Variants in FOSL1 observed in about 807,000 individuals in gnomAD.
FOSL1 encodes FOS like 1, AP-1 transcription factor subunit, also known as fos-related antigen 1.
Under a neutral mutation model 24.9 loss-of-function variants are expected in FOSL1, and 14 were observed. That is an observed-to-expected ratio of 0.56 (90% CI 0.37 to 0.88). FOSL1 has a LOEUF of 0.88. FOSL1 is among the 40% of genes least tolerant of loss of function. The probability of loss-of-function intolerance (pLI) is 0.00; values close to 1 mark genes in which losing one functional copy is unlikely to be tolerated. For synonymous variants in FOSL1, 133 were observed against 145.1 expected, an observed-to-expected ratio of 0.92 and a Z score of 0.60; for missense variants, 318 against 359.8, an observed-to-expected ratio of 0.88 and a Z score of 0.94.
At chr11:65,895,367 A>C (rs1225442508) in intron 2 of FOSL1, among the ~76,000 whole-genome samples, 4 of 151,794 alleles carry the variant, frequency 2.6e-5, no homozygotes, top group African/African-American at 9.7e-5. Context: ...CTCATGATCC[A>C]CCTTCCTTGG....
At chr11:65,898,970 A>AAAAAG (rs1471370090) in intron 1 of FOSL1, among the ~76,000 whole-genome samples, 5 of 87,270 alleles carry the variant, frequency 5.7e-5, no homozygotes, top group African/African-American at 1.5e-4. Flanking sequence ...CAGAAAAAAA[A>AAAAAG]AAAAAAAGAA....
rs1376091679 is a variant in FOSL1 at position 65,892,400 on chromosome 11, G to A, written c.*486C>T. 5.6e-6 allele frequency: 2 copies of A among 354,460 alleles called. No homozygotes were observed. The highest frequency in any genetic ancestry group is 3.8e-5 in the Admixed American group (1 of 26,046). The allele number at this position is 354,460 out of a possible 1,614,324, so 22.0% of individuals were successfully genotyped here. A position where few individuals can be genotyped will look rare whatever the true frequency, so the allele number is the denominator to read the frequency against. ...GCCAAGGGCGCCTCCTGAGCTGTGCGGTTCAGGAGGGGGCGGCAGAATGGC... is the reference window on the plus strand; with the variant it reads ...GCCAAGGGCGCCTCCTGAGCTGTGCAGTTCAGGAGGGGGCGGCAGAATGGC... On this transcript the variant is annotated 3_prime_UTR_variant, in exon 4 of 4. Coordinates refer to ENST00000312562, the MANE Select transcript of FOSL1 (RefSeq NM_005438.5).
Position 65,892,243 on chromosome 11 carries a change from C to T in FOSL1, c.*643G>A, listed in dbSNP as rs1463610053. 4.5e-6 allele frequency: 1 copy of T among 220,668 alleles called. No individual in the cohort carries two copies. Among genetic ancestry groups the T allele is most frequent in the Non-Finnish European group, 9.3e-6 (1 of 107,402 alleles). The allele number at this position is 220,668 out of a possible 1,614,324, so 13.7% of individuals were successfully genotyped here. On this transcript the variant is annotated 3_prime_UTR_variant, in exon 4 of 4. Transcript: ENST00000312562. ...GGCCACAGCTTCAAGCCTTTTATTC[C>T]ATTTTGGTAGGTTTGTATAAAAATA...
At chr11:65,896,726 T>G (rs1860534738) in intron 2 of FOSL1, 83 bp downstream of exon 2, 1 of 1,191,878 alleles carries the variant, frequency 8.4e-7, no homozygotes, top group Non-Finnish European at 1.2e-6. Context: ...CCTAAGCCTG[T>G]GCTCTCCTTT....
chr11:65,899,914 C>A (rs1480119939), intron 1 of FOSL1, among the ~76,000 whole-genome samples: 1 of 152,216 alleles, frequency 6.6e-6, no homozygotes, highest in Non-Finnish European at 1.5e-5. Context: ...AGGCGACCAC[C>A]CTAGGCGCCC....
intron 2 of FOSL1, among the ~76,000 whole-genome samples, chr11:65,894,669 A>T (rs371801800): frequency 1.3e-4 from 20 of 151,554 alleles, no homozygotes; most frequent in Admixed American, 2.6e-4. Context: ...ATTTTATTTT[A>T]TTTTTTTTAG....
Position 65,893,264 on chromosome 11 carries a change from C to A in FOSL1, c.438G>T (p.Gly146=). 6.2e-7 allele frequency: 1 copy of A among 1,612,204 alleles called. No individual in the cohort carries two copies. Residue 146 remains glycine, a synonymous_variant, in exon 4 of 4, where the codon GGG becomes GGT. Transcript: ENST00000312562. ...ETDKLEDEKS[G]LQREIEELQK... ...GCAGCTCCTCAATCTCTCGCTGCAGCCCAGATTTCTCATCTTCCAGTTTGT... is the reference window on the plus strand; with the variant it reads ...GCAGCTCCTCAATCTCTCGCTGCAGACCAGATTTCTCATCTTCCAGTTTGT...
At chr11:65,894,222 C>T in intron 2 of FOSL1, 101 bp from the exon 3 acceptor site, 4 of 794,614 alleles carry the variant, frequency 5.0e-6, no homozygotes, top group Non-Finnish European at 6.2e-6. Context: ...GAGGTCATGG[C>T]AGGGCCCCCT....
chr11:65,893,401 A>G (rs1451251914), intron 3 of FOSL1, 105 bp from the exon 4 acceptor site: 3 of 412,440 alleles, frequency 7.3e-6, no homozygotes, highest in Non-Finnish European at 1.4e-5. Flanking sequence ...GCGGGGGGAG[A>G]GGGGGGGCAG....
Position 65,894,362 on chromosome 11 carries a change from T to G in FOSL1, c.298-241A>C, listed in dbSNP as rs1246121728. On this transcript the variant is annotated intron_variant, in intron 2 of 3. Coordinates refer to ENST00000312562, the MANE Select transcript of FOSL1 (RefSeq NM_005438.5). ...TTCCTCTCCCATAATGCCCTCCCCC[T>G]CCGCAAACCCTAACCCTCCTCATCT... Among the ~76,000 whole-genome samples the G allele has an allele frequency of 2.0e-5, 3 of 152,068 alleles. No individual in the cohort carries two copies. The East Asian group carries it at 5.8e-4, about 29-fold the overall frequency.
In FOSL1 at chr11:65,892,198, T is replaced by A. The variant is rs1277876828; in HGVS notation, c.*688A>T. ...CTCCAAATACTCTCCCATTGGCCTC[T>A]GGGTCCAGTGAGGCACTCAGGCCAC... On this transcript the variant is annotated 3_prime_UTR_variant, in exon 4 of 4. Transcript: ENST00000312562. The A allele has an allele frequency of 5.1e-6, 1 of 195,156 alleles. No homozygotes were observed. 12.1% of individuals were successfully genotyped at this position (195,156 alleles called of 1,614,324 possible). A position where few individuals can be genotyped will look rare whatever the true frequency, so the allele number is the denominator to read the frequency against.
intron 1 of FOSL1, among the ~76,000 whole-genome samples, chr11:65,899,523 C>T (rs1380218396): frequency 6.6e-6 from 1 of 152,232 alleles, no homozygotes; most frequent in Non-Finnish European, 1.5e-5. Context: ...CGGCGGGCAG[C>T]GGGCGCCGTT....
chr11:65,893,990 C>T (rs775417583), intron 3 of FOSL1, 24 bp downstream of exon 3: 41 of 1,518,928 alleles, frequency 2.7e-5, no homozygotes, highest in East Asian at 2.6e-4. Flanking sequence ...CCTCTGAGCT[C>T]GGTGGACCAG....
intron 2 of FOSL1, 133 bp from the exon 3 acceptor site, chr11:65,894,254 C>T (rs1297540344): frequency 1.5e-6 from 1 of 653,742 alleles, no homozygotes; most frequent in African/African-American, 1.8e-5. Context: ...TTAGGGATCA[C>T]TGCACCCAAC....
intron 1 of FOSL1, 38 bp downstream of exon 1, chr11:65,900,203 G>A: frequency 9.4e-7 from 1 of 1,063,620 alleles, no homozygotes; most frequent in Non-Finnish European, 1.2e-6. Flanking sequence ...CCCACGCGCG[G>A]TCCTCCCGTG....
chr11:65,896,726 T>A, intron 2 of FOSL1, 83 bp downstream of exon 2: 1 of 1,191,996 alleles, frequency 8.4e-7, no homozygotes, highest in Non-Finnish European at 1.2e-6. Context: ...CCTAAGCCTG[T>A]GCTCTCCTTT....
chr11:65,896,866 T>C lies in FOSL1; in HGVS notation c.240A>G (p.Pro80=), dbSNP rs576321480. ...GCGGCCCCAGGGCCCGGATGACTCC[T>C]GGCCGGGGTTGTGGGGGGCTGTACT... ...YPQYSPPQPR[P]GVIRALGPPP... is the part of the protein sequence containing the mutation. The change falls in exon 2 of 4, where the codon CCA becomes CCG. Residue 80 remains proline (P), a synonymous_variant. Transcript: ENST00000312562. 83 of 1,613,816 alleles carry C rather than the reference T, an allele frequency of 5.1e-5. No homozygotes were observed. Among genetic ancestry groups the C allele is most frequent in the Non-Finnish European group, 7.0e-5 (82 of 1,179,798 alleles).
In FOSL1 at chr11:65,900,262, G is replaced by T. The variant is rs949467113; in HGVS notation, c.78C>A (p.Ala26=). 8.0e-7 allele frequency: 1 copy of T among 1,243,846 alleles called. No individual in the cohort carries two copies. Among genetic ancestry groups the T allele is most frequent in the Middle Eastern group, 3.1e-4 (1 of 3,268 alleles). 77.1% of individuals were successfully genotyped at this position (1,243,846 alleles called of 1,614,324 possible). ...TCACCTGCTGGGCTGCCTGCGCTGC[G>T]GCCGGGGGCTGCGCGGGGCCGCCGT... is the stretch of plus-strand genomic sequence containing the variant. ...GGYGGPAQPP[A]AAQAAQQKFH... Residue 26 remains alanine, a synonymous_variant, in exon 1 of 4, where the codon GCC becomes GCA. Transcript: ENST00000312562.
chr11:65,893,764 C>T (rs956748284), intron 3 of FOSL1, among the ~76,000 whole-genome samples: 1 of 152,068 alleles, frequency 6.6e-6, no homozygotes, highest in Non-Finnish European at 1.5e-5. Context: ...CATCACTGCA[C>T]TCCAGCCTGG....
Sources: gnomAD v4.1 joint callset for allele counts (sites outside exome capture counted in the v4.1 genomes callset) on GRCh38, gnomAD v4.1.1 for gene constraint, MANE v1.5 for transcripts, NCBI Gene and HGNC (gene_info 2026-07-23, HGNC 2026-07-21) for gene names.